PDCD11: variants seen among roughly 807,000 people sequenced by gnomAD.
The protein encoded by PDCD11 is protein RRP5 homolog.
A neutral mutation model predicts 198.9 loss-of-function variants in PDCD11; 97 were observed. The observed-to-expected ratio is 0.49, with a 90% CI of 0.41 to 0.58. The LOEUF (loss-of-function observed/expected upper bound fraction) is 0.58. PDCD11 is among the 20% of genes least tolerant of loss of function. The probability of loss-of-function intolerance (pLI) is 0.00; values close to 1 mark genes in which losing one functional copy is unlikely to be tolerated. For missense variants in PDCD11, 2,102 were observed against 2,312.7 expected, an observed-to-expected ratio of 0.91 and a Z score of 1.87; for synonymous variants, 893 against 918.0, an observed-to-expected ratio of 0.97 and a Z score of 0.49.
chr10:103,419,197 A>G (rs1022587472), intron 15 of PDCD11, among the ~76,000 whole-genome samples: 6 of 152,150 alleles, frequency 3.9e-5, no homozygotes, highest in Non-Finnish European at 8.8e-5. Flanking sequence ...CTGCCAGACC[A>G]GGGGGATGAG....
At chr10:103,431,299 G>C (rs1475021828) in intron 21 of PDCD11, among the ~76,000 whole-genome samples, 1 of 151,986 alleles carries the variant, frequency 6.6e-6, no homozygotes, top group Non-Finnish European at 1.5e-5. Context: ...GAAGAAAAAA[G>C]AAAATCAAAG....
In PDCD11 at chr10:103,414,095, G is replaced by T; in HGVS notation, c.1310+5G>T. On this transcript the variant is annotated splice_donor_5th_base_variant and intron_variant, in intron 10 of 35. Transcript: ENST00000369797. ...GGCCTTGCTCTCTCTACGAACGTAA[G>T]TCTGTCATTAACAGGTAGGGGTGTA... 1 of 1,609,454 alleles carries T rather than the reference G, an allele frequency of 6.2e-7. No homozygotes were observed.
intron 2 of PDCD11, among the ~76,000 whole-genome samples, 178 bp from the exon 3 acceptor site, chr10:103,400,219 C>T (rs909226120): frequency 1.4e-5 from 2 of 140,984 alleles, no homozygotes; most frequent in Non-Finnish European, 3.2e-5. Context: ...CATTGGCGGC[C>T]CCCCCCCTTT....
chr10:103,418,559 A>T lies in PDCD11; in HGVS notation c.2031A>T (p.Pro677=). 1.9e-6 allele frequency: 3 copies of T among 1,614,136 alleles called. No individual in the cohort carries two copies. The highest frequency in any genetic ancestry group is 1.3e-5 in the African/African-American group (1 of 75,020). Residue 677 remains proline, a synonymous_variant, in exon 15 of 36, where the codon CCA becomes CCT. Transcript: ENST00000369797. ...TGTCGGACCACGTTGCCAACGGCCC[A>T]TTGTTACATCATTGGCTCCAGGCAG... ...SHLSDHVANG[P]LLHHWLQAGD...
intron 13 of PDCD11, among the ~76,000 whole-genome samples, 154 bp from the exon 14 acceptor site, chr10:103,417,638 G>A (rs957012404): frequency 6.6e-6 from 1 of 152,260 alleles, no homozygotes; most frequent in African/African-American, 2.4e-5. Flanking sequence ...GGATTGTGTA[G>A]CTCTCAGTGC....
Position 103,429,865 on chromosome 10 carries a change from T to C in PDCD11, c.3369-2264T>C, listed in dbSNP as rs113809678. 1.1e-3 allele frequency among the ~76,000 whole-genome samples: 168 copies of C among 152,306 alleles called. 1 individual carries two copies. Among genetic ancestry groups the C allele is most frequent in the African/African-American group, 3.4e-3 (142 of 41,566 alleles). On this transcript the variant is annotated intron_variant, in intron 21 of 35. Transcript: ENST00000369797. ...TCTCAGTGAATTTGACTGTTCTAGGTACCTCACTCATATAAATGGAACACA... is the reference window on the plus strand; with the variant it reads ...TCTCAGTGAATTTGACTGTTCTAGGCACCTCACTCATATAAATGGAACACA...
rs951786672 is a variant in PDCD11 at position 103,416,617 on chromosome 10, A to G, written c.1645A>G (p.Ile549Val). 4 of 1,614,112 alleles carry G rather than the reference A, an allele frequency of 2.5e-6. No homozygotes were observed. The highest frequency in any genetic ancestry group is 1.3e-5 in the African/African-American group (1 of 74,944). Residue 549 changes from isoleucine (I) to valine (V), a missense_variant, in exon 13 of 36, where the codon ATC (isoleucine) becomes GTC (valine). Physicochemically the swap from Ile to Val is conservative, Grantham distance 29. Coordinates refer to ENST00000369797, the MANE Select transcript of PDCD11 (RefSeq NM_014976.2). ...GCCTGGTCTGCAGACACATGGCTTC[A>G]TCATCAGGGTCAAGGACTATGGCTG... ...AKPGLQTHGF[I>V]IRVKDYGCIV...
rs749357540 is a variant in PDCD11, at chr10:103,418,560, T to C, written c.2032T>C (p.Leu678=). ...HLSDHVANGP[L]LHHWLQAGDI... ...GTCGGACCACGTTGCCAACGGCCCATTGTTACATCATTGGCTCCAGGCAGG... is the reference window on the plus strand; with the variant it reads ...GTCGGACCACGTTGCCAACGGCCCACTGTTACATCATTGGCTCCAGGCAGG... The change falls in exon 15 of 36, where the codon TTG becomes CTG. Residue 678 remains leucine (L), a synonymous_variant. Transcript: ENST00000369797. The C allele has an allele frequency of 8.7e-6, 14 of 1,614,176 alleles. No homozygotes were observed. Among genetic ancestry groups the C allele is most frequent in the Non-Finnish European group, 1.2e-5 (14 of 1,180,018 alleles).
intron 32 of PDCD11, among the ~76,000 whole-genome samples, 182 bp from the exon 33 acceptor site, chr10:103,442,983 G>A (rs1390032415): frequency 6.6e-6 from 1 of 152,178 alleles, no homozygotes; most frequent in Admixed American, 6.5e-5. Context: ...TTGGGGTTGG[G>A]GCAGGGGTTT....
intron 5 of PDCD11, chr10:103,405,464 G>A (rs763491227): frequency 8.1e-5 from 23 of 283,778 alleles, no homozygotes; most frequent in Non-Finnish European, 1.5e-4. Flanking sequence ...GAAAGCAGTG[G>A]CATGATCTCG....
intron 22 of PDCD11, among the ~76,000 whole-genome samples, 186 bp downstream of exon 22, chr10:103,432,420 T>C (rs1029881412): frequency 1.3e-5 from 2 of 152,242 alleles, no homozygotes; most frequent in Non-Finnish European, 2.9e-5. Flanking sequence ...AGCTAAAATA[T>C]GGCTTACACA....
intron 34 of PDCD11, chr10:103,444,275 T>G (rs1564781464): frequency 1.6e-6 from 1 of 627,574 alleles, no homozygotes; most frequent in South Asian, 2.0e-5. Flanking sequence ...ACGCAGTTAG[T>G]ACTAGTTCTG....
intron 28 of PDCD11, 113 bp downstream of exon 28, chr10:103,439,981 T>C: frequency 7.8e-7 from 1 of 1,290,160 alleles, no homozygotes; most frequent in African/African-American, 1.5e-5. Flanking sequence ...TGCGTAGTGG[T>C]GTTCAGATGA....
chr10:103,445,848 TC>T lies in PDCD11; in HGVS notation c.*302del, dbSNP rs200373968. On this transcript the variant is annotated 3_prime_UTR_variant, in exon 36 of 36. Coordinates refer to ENST00000369797, the MANE Select transcript of PDCD11 (RefSeq NM_014976.2). Reference sequence around the variant, plus strand: ...CTGAGGGTCCCTCTTCCAGGGGAGTTCCCTGGGGAGCAAGAGTAGAGGGGCT... The same window carrying T: ...CTGAGGGTCCCTCTTCCAGGGGAGTTCCTGGGGAGCAAGAGTAGAGGGGCT... 0.015 allele frequency: 4,772 copies of T among 323,212 alleles called. 59 individuals are homozygous for T. Among genetic ancestry groups the T allele is most frequent in the Non-Finnish European group, 0.021 (3,606 of 171,710 alleles). The allele number at this position is 323,212 out of a possible 1,614,324, so 20.0% of individuals were successfully genotyped here.
intron 20 of PDCD11, among the ~76,000 whole-genome samples, chr10:103,426,431 T>A (rs2031696457): frequency 6.6e-6 from 1 of 152,218 alleles, no homozygotes. Context: ...AGTTTCCTTA[T>A]TTTTAGAATG....
chr10:103,417,212 C>T (rs1376816803), intron 13 of PDCD11, among the ~76,000 whole-genome samples: 7 of 151,740 alleles, frequency 4.6e-5, no homozygotes, highest in African/African-American at 1.7e-4. Flanking sequence ...TCCTCTGTCA[C>T]CCAGGCTGGA....
Position 103,443,282 on chromosome 10 carries a change from CAA to C in PDCD11, c.5075_5076del (p.Lys1692SerfsTer7). ...GAGCCGTGCAGTACAACGAGCCTCT[CAA>C]AGTCTTTCTCCACCTGGCTGACATC... is the stretch of plus-strand genomic sequence containing the variant. Reference protein sequence around the residue: ...ERAVQYNEPLKVFLHLADIYA... With the variant: ...ERAVQYNEPLXVFLHLADIYA... On this transcript the variant is annotated frameshift_variant, in exon 33 of 36. Coordinates refer to ENST00000369797, the MANE Select transcript of PDCD11 (RefSeq NM_014976.2). LOFTEE classifies it high-confidence loss of function. 6.2e-7 allele frequency: 1 copy of C among 1,612,578 alleles called. No individual in the cohort carries two copies. The highest frequency in any genetic ancestry group is 8.5e-7 in the Non-Finnish European group (1 of 1,178,786).
At chr10:103,400,219 C>A (rs909226120) in intron 2 of PDCD11, among the ~76,000 whole-genome samples, 178 bp from the exon 3 acceptor site, 5 of 140,984 alleles carry the variant, frequency 3.5e-5, no homozygotes, top group African/African-American at 5.2e-5. Context: ...CATTGGCGGC[C>A]CCCCCCCTTT....
rs945749359 is a variant in PDCD11, at chr10:103,403,350, C to T, written c.402+65C>T. The stretch of plus-strand genomic sequence containing the variant: ...TGGAACACAAATAGATTTAAAATTA[C>T]AACTTTGCCAGGTGCTAAGAAGGGA... On this transcript the variant is annotated intron_variant, in intron 4 of 35. Coordinates refer to ENST00000369797, the MANE Select transcript of PDCD11 (RefSeq NM_014976.2). The T allele has an allele frequency of 6.1e-6, 9 of 1,477,638 alleles. No homozygotes were observed. In the Admixed American group the frequency reaches 9.6e-5, roughly 16 times the overall value. The allele number at this position is 1,477,638 out of a possible 1,614,324, so 91.5% of individuals were successfully genotyped here.
Sources: allele counts gnomAD v4.1 joint callset (sites outside exome capture counted in the v4.1 genomes callset), GRCh38; gene constraint gnomAD v4.1.1; transcripts MANE v1.5; gene names NCBI Gene and HGNC (gene_info 2026-07-23, HGNC 2026-07-21).